DZIP3: variants seen among roughly 807,000 people sequenced by gnomAD.
DZIP3 encodes the protein E3 ubiquitin-protein ligase DZIP3.
DZIP3 carries 118 observed loss-of-function variants against 162.0 expected under a neutral mutation model. That is an observed-to-expected ratio of 0.73 (90% CI 0.63 to 0.85). The LOEUF (loss-of-function observed/expected upper bound fraction) is 0.85, where lower values mean the gene tolerates loss of function less well. DZIP3 is among the 40% of genes least tolerant of loss of function. The probability of loss-of-function intolerance (pLI) is 0.00; values close to 1 mark genes in which losing one functional copy is unlikely to be tolerated. For synonymous variants in DZIP3, 438 were observed against 458.6 expected (o/e 0.96, Z 0.57); for missense variants, 1,331 against 1,407.0 (o/e 0.95, Z 0.86).
chr3:108,648,833 C>G, intron 16 of DZIP3, 85 bp from the exon 17 acceptor site: 1 of 644,408 alleles, frequency 1.6e-6, no homozygotes, highest in African/African-American at 2.0e-5. Flanking sequence ...CAAAAGATCT[C>G]AGTGGTGAGA....
In DZIP3 at chr3:108,677,590, G is replaced by T. The variant is rs755604355; in HGVS notation, c.2875G>T (p.Glu959Ter). The T allele has an allele frequency of 1.2e-6, 2 of 1,611,546 alleles. No individual in the cohort carries two copies. Among genetic ancestry groups the T allele is most frequent in the Admixed American group, 1.7e-5 (1 of 59,846 alleles). Residue 959 changes from glutamate (E) to a stop codon, truncating the protein, a stop_gained, in exon 26 of 33, where the codon GAG becomes TAG. Coordinates refer to ENST00000361582, the MANE Select transcript of DZIP3 (RefSeq NM_014648.4). LOFTEE classifies it high-confidence loss of function. ...GCTTCCTCCTCCACCACCCAGTCCT[G>T]AGATACTGGTAAGAAATACAACATT... ...VQLPPPPPSP[E>*]ILMQQFLGRP... is the part of the protein sequence containing the mutation.
chr3:108,595,494 C>T lies in DZIP3; in HGVS notation c.-73+5655C>T, dbSNP rs28463643. Among the ~76,000 whole-genome samples the T allele has an allele frequency of 7.0e-3, 1,061 of 152,266 alleles. 6 individuals are homozygous for T. Among genetic ancestry groups the T allele is most frequent in the African/African-American group, 0.024 (985 of 41,548 alleles). ...CCTTCCAAAGTGCTGGGATTACAGA[C>T]ATGAGCCACCACACCCACCTGTAAA... is the stretch of plus-strand genomic sequence containing the variant. On this transcript the variant is annotated intron_variant, in intron 1 of 32. Coordinates refer to ENST00000361582, the MANE Select transcript of DZIP3 (RefSeq NM_014648.4).
chr3:108,595,150 A>C (rs1172762848), intron 1 of DZIP3, among the ~76,000 whole-genome samples: 1 of 152,216 alleles, frequency 6.6e-6, no homozygotes, highest in African/African-American at 2.4e-5. Context: ...GTAAAATATT[A>C]AGTATCCACT....
chr3:108,662,102 AT>A, intron 20 of DZIP3, 27 bp from the exon 21 acceptor site: 1 of 1,575,984 alleles, frequency 6.3e-7, no homozygotes. Context: ...GAACATAATT[AT>A]CTGAAATAAT....
chr3:108,689,965 G>T (rs1042967224), intron 31 of DZIP3, among the ~76,000 whole-genome samples: 29 of 152,118 alleles, frequency 1.9e-4, no homozygotes, highest in African/African-American at 6.3e-4. Flanking sequence ...ATTATATTTT[G>T]TATTTGCTCT....
intron 1 of DZIP3, among the ~76,000 whole-genome samples, chr3:108,594,072 C>T (rs1418326717): frequency 2.0e-5 from 3 of 151,916 alleles, no homozygotes; most frequent in Non-Finnish European, 2.9e-5. Flanking sequence ...AAAAATTTAC[C>T]GATAAAAAGT....
At chr3:108,631,047 A>ACT (rs1206915511) in intron 8 of DZIP3, among the ~76,000 whole-genome samples, 215 of 72,384 alleles carry the variant, frequency 3.0e-3, no homozygotes, top group Middle Eastern at 6.9e-3. Context: ...ACACACACAC[A>ACT]CACACACACT....
intron 1 of DZIP3, among the ~76,000 whole-genome samples, chr3:108,596,438 T>A (rs995778486): frequency 3.3e-5 from 5 of 152,106 alleles, no homozygotes; most frequent in African/African-American, 1.2e-4. Flanking sequence ...AGAAAAGACT[T>A]TTTAGGACTG....
chr3:108,679,756 G>A (rs1944237738), intron 26 of DZIP3, among the ~76,000 whole-genome samples: 1 of 152,060 alleles, frequency 6.6e-6, no homozygotes, highest in Non-Finnish European at 1.5e-5. Flanking sequence ...CAGTGAATTA[G>A]GAAATTGTAC....
chr3:108,614,234 C>T (rs1438776057), intron 4 of DZIP3, among the ~76,000 whole-genome samples: 1 of 152,056 alleles, frequency 6.6e-6, no homozygotes, highest in Non-Finnish European at 1.5e-5. Context: ...ATAAGTATGT[C>T]CAAAACCGAA....
chr3:108,608,717 A>G (rs1261298944), intron 3 of DZIP3, among the ~76,000 whole-genome samples: 1 of 152,188 alleles, frequency 6.6e-6, no homozygotes, highest in Non-Finnish European at 1.5e-5. Context: ...ATATGTTCAT[A>G]TATTTTGTGA....
intron 2 of DZIP3, among the ~76,000 whole-genome samples, chr3:108,607,037 G>C (rs1311632815): frequency 6.6e-5 from 10 of 152,128 alleles, no homozygotes; most frequent in Admixed American, 5.9e-4. Context: ...TTCATTCCTT[G>C]ATAGCACAAA....
At chr3:108,641,150 T>C (rs1942382703) in intron 12 of DZIP3, among the ~76,000 whole-genome samples, 2 of 152,132 alleles carry the variant, frequency 1.3e-5, no homozygotes, top group African/African-American at 4.8e-5. Flanking sequence ...TTAAAATAAT[T>C]ATACCACAGC....
In DZIP3 at chr3:108,647,980, A is replaced by C. The variant is rs768562620; in HGVS notation, c.1830A>C (p.Glu610Asp). The change falls in exon 16 of 33, where the codon GAA becomes GAC. Residue 610 changes from glutamate to aspartate, a missense_variant. This residue lies in a region of DZIP3 where 1,278 missense variants were observed against 1,317.1 expected (regional missense o/e 0.97). Coordinates refer to ENST00000361582, the MANE Select transcript of DZIP3 (RefSeq NM_014648.4). ...AAGAGTTACAGAATGAGGAAGAAGA[A>C]CTAAGTCCACCTCTCATGGAGTACA... ...EIEELQNEEE[E>D]LSPPLMEYNI... is the part of the protein sequence containing the mutation. 1 of 1,589,080 alleles carries C rather than the reference A, an allele frequency of 6.3e-7. No individual in the cohort carries two copies. Among genetic ancestry groups the C allele is most frequent in the Non-Finnish European group, 8.5e-7 (1 of 1,171,748 alleles).
At chr3:108,646,494 A>T in intron 14 of DZIP3, 123 bp from the exon 15 acceptor site, 2 of 718,586 alleles carry the variant, frequency 2.8e-6, no homozygotes, top group East Asian at 2.7e-5. Context: ...AAAGCTGGTT[A>T]TTTTTCCAGT....
chr3:108,678,542 C>T (rs1944194390), intron 26 of DZIP3, among the ~76,000 whole-genome samples: 1 of 152,018 alleles, frequency 6.6e-6, no homozygotes, highest in Non-Finnish European at 1.5e-5. Flanking sequence ...CCTCCAACAG[C>T]AAGGACAGCT....
chr3:108,635,056 G>T, intron 10 of DZIP3, 84 bp downstream of exon 10: 1 of 759,924 alleles, frequency 1.3e-6, no homozygotes, highest in African/African-American at 1.8e-5. Context: ...GTTTCTTCCT[G>T]TTCATAACTT....
intron 3 of DZIP3, 152 bp from the exon 4 acceptor site, chr3:108,611,022 C>A: frequency 3.2e-6 from 2 of 629,734 alleles, no homozygotes; most frequent in Admixed American, 3.7e-5. Context: ...ACATATTATT[C>A]TTCCTTAGAT....
intron 1 of DZIP3, among the ~76,000 whole-genome samples, chr3:108,591,897 G>A (rs1479421128): frequency 2.6e-5 from 4 of 151,532 alleles, no homozygotes; most frequent in Non-Finnish European, 5.9e-5. Flanking sequence ...TCTGGAGGCT[G>A]AGTTGGGGGG....
Sources: allele counts gnomAD v4.1 joint callset (sites outside exome capture counted in the v4.1 genomes callset), GRCh38; gene constraint gnomAD v4.1.1; regional missense constraint gnomAD v4.1.1; transcripts MANE v1.5; gene names NCBI Gene and HGNC (gene_info 2026-07-23, HGNC 2026-07-21).